SEMA6D: variants seen among roughly 807,000 people sequenced by gnomAD.
The protein encoded by SEMA6D is semaphorin-6D.
In SEMA6D, 35 loss-of-function variants were observed where a neutral mutation model predicts 106.6. The observed-to-expected ratio is 0.33, with a 90% CI of 0.25 to 0.44. The LOEUF (loss-of-function observed/expected upper bound fraction) is 0.44, where lower values mean the gene tolerates loss of function less well. SEMA6D is among the 20% of genes least tolerant of loss of function. The pLI is 1.00. For missense variants in SEMA6D, 1,185 were observed against 1,345.9 expected (o/e 0.88, Z 1.87); for synonymous variants, 499 against 487.7 (o/e 1.02, Z -0.31).
At chr15:47,229,145 G>A (rs1452242713) in intron 1 of SEMA6D, among the ~76,000 whole-genome samples, 1 of 151,998 alleles carries the variant, frequency 6.6e-6, no homozygotes. Context: ...TGGGGATACA[G>A]GATATACAGA....
chr15:47,735,198 A>C (rs80316819), intron 1 of SEMA6D, among the ~76,000 whole-genome samples: 1 of 152,234 alleles, frequency 6.6e-6, no homozygotes, highest in Admixed American at 6.5e-5. Context: ...CATGGGCACT[A>C]ACCAATCAAA....
chr15:47,276,647 G>C (rs2034830384), intron 1 of SEMA6D, among the ~76,000 whole-genome samples: 1 of 152,120 alleles, frequency 6.6e-6, no homozygotes, highest in African/African-American at 2.4e-5. Flanking sequence ...AAATATTACT[G>C]TTCATTGACA....
chr15:47,728,951 T>C (rs988520531), intron 1 of SEMA6D, among the ~76,000 whole-genome samples: 1 of 152,226 alleles, frequency 6.6e-6, no homozygotes, highest in African/African-American at 2.4e-5. Context: ...TACTTAATTA[T>C]AATGCAGAGT....
At chr15:47,492,586 A>G (rs897008109) in intron 3 of SEMA6D, among the ~76,000 whole-genome samples, 1 of 152,208 alleles carries the variant, frequency 6.6e-6, no homozygotes, top group Non-Finnish European at 1.5e-5. Flanking sequence ...TGAGAACCTG[A>G]ATATGGCTTT....
At chr15:47,505,888 G>C (rs1456266172) in intron 3 of SEMA6D, among the ~76,000 whole-genome samples, 1 of 152,080 alleles carries the variant, frequency 6.6e-6, no homozygotes, top group Non-Finnish European at 1.5e-5. Context: ...GCACTAGAGA[G>C]GTTGAGGGGC....
intron 3 of SEMA6D, among the ~76,000 whole-genome samples, chr15:47,509,632 C>T (rs58960730): frequency 0.015 from 2,229 of 152,326 alleles, 34 homozygotes; most frequent in African/African-American, 0.033. Flanking sequence ...CATATCTCTA[C>T]ACCTTCACTC....
At chr15:47,735,248 A>G (rs1050199262) in intron 1 of SEMA6D, among the ~76,000 whole-genome samples, 1 of 152,222 alleles carries the variant, frequency 6.6e-6, no homozygotes, top group Non-Finnish European at 1.5e-5. Context: ...TGGCAGCCCT[A>G]CAGTCTTACA....
chr15:47,437,007 GAAAGA>G (rs1278816357), intron 2 of SEMA6D, among the ~76,000 whole-genome samples: 1 of 103,320 alleles, frequency 9.7e-6, no homozygotes, highest in African/African-American at 3.7e-5. Context: ...GGAGGGGAGG[GAAAGA>G]AAAGAAAGAA....
At chr15:47,522,369 A>G (rs1318236614) in intron 3 of SEMA6D, among the ~76,000 whole-genome samples, 2 of 152,128 alleles carry the variant, frequency 1.3e-5, no homozygotes, top group Admixed American at 6.5e-5. Flanking sequence ...CCCTTGTGCT[A>G]TTTCCCACAA....
chr15:47,723,456 C>T (rs965528451), intron 1 of SEMA6D, among the ~76,000 whole-genome samples: 10 of 152,250 alleles, frequency 6.6e-5, no homozygotes, highest in African/African-American at 1.2e-4. Flanking sequence ...AGATCCATTA[C>T]GTATCTTTGT....
intron 1 of SEMA6D, among the ~76,000 whole-genome samples, chr15:47,356,348 G>C (rs1198424740): frequency 6.6e-6 from 1 of 152,164 alleles, no homozygotes; most frequent in African/African-American, 2.4e-5. Context: ...CAACAATCTA[G>C]AGACTATGTG....
At chr15:47,296,846 G>C (rs770010754) in intron 1 of SEMA6D, among the ~76,000 whole-genome samples, 4 of 152,170 alleles carry the variant, frequency 2.6e-5, no homozygotes, top group Non-Finnish European at 5.9e-5. Flanking sequence ...AAAGCTCACT[G>C]TTCAGTAAGG....
At chr15:47,599,536 G>T (rs1481923910) in intron 3 of SEMA6D, among the ~76,000 whole-genome samples, 2 of 151,916 alleles carry the variant, frequency 1.3e-5, no homozygotes, top group African/African-American at 4.8e-5. Flanking sequence ...GATGGATTTA[G>T]AGATGATAAT....
intron 3 of SEMA6D, 42 bp downstream of exon 3, chr15:47,760,457 C>A (rs2081998797): frequency 2.0e-6 from 3 of 1,477,494 alleles, no homozygotes; most frequent in South Asian, 2.3e-5. Flanking sequence ...AAATTCTTTT[C>A]TCTTGTGGTG....
intron 4 of SEMA6D, among the ~76,000 whole-genome samples, chr15:47,697,311 A>G (rs982115438): frequency 5.9e-5 from 9 of 152,168 alleles, no homozygotes; most frequent in Non-Finnish European, 1.2e-4. Context: ...ATATCTTGAT[A>G]GGAATTCTGG....
intron 1 of SEMA6D, among the ~76,000 whole-genome samples, chr15:47,189,263 C>T (rs1040847612): frequency 2.6e-5 from 4 of 152,124 alleles, no homozygotes; most frequent in African/African-American, 9.7e-5. Flanking sequence ...TGACAATTCC[C>T]ATGGCAAGCT....
intron 1 of SEMA6D, among the ~76,000 whole-genome samples, chr15:47,223,456 C>G (rs931061789): frequency 6.6e-6 from 1 of 151,870 alleles, no homozygotes; most frequent in African/African-American, 2.4e-5. Context: ...TGTTTTCTCC[C>G]TTTGATTTTT....
chr15:47,738,019 C>G (rs2080550145), intron 1 of SEMA6D, among the ~76,000 whole-genome samples: 1 of 147,028 alleles, frequency 6.8e-6, no homozygotes, highest in East Asian at 2.0e-4. Flanking sequence ...GTATTGCTAT[C>G]AAGAAGCCTG....
chr15:47,734,728 G>A (rs879411778), intron 1 of SEMA6D, among the ~76,000 whole-genome samples: 2 of 152,040 alleles, frequency 1.3e-5, no homozygotes, highest in Non-Finnish European at 2.9e-5. Context: ...ATAAGACATA[G>A]GTAAAATAAT....
Sources: allele counts gnomAD v4.1 joint callset (sites outside exome capture counted in the v4.1 genomes callset), GRCh38; gene constraint gnomAD v4.1.1; transcripts MANE v1.5; gene names NCBI Gene and HGNC (gene_info 2026-07-23, HGNC 2026-07-21).